The following GRIK3 variants were observed in gnomAD, a reference collection of about 807,000 sequenced individuals.
GRIK3 encodes the protein glutamate receptor ionotropic, kainate 3.
GRIK3 carries 29 observed loss-of-function variants against 102.5 expected under a neutral mutation model. The ratio of observed to expected loss-of-function variants is 0.28; its 90% CI spans 0.21 to 0.39. The LOEUF (loss-of-function observed/expected upper bound fraction) is 0.39, where lower values mean the gene tolerates loss of function less well. Among genes scored for constraint, GRIK3 ranks in the 10% least tolerant of loss-of-function variants. GRIK3 has a pLI of 1.00. For synonymous variants in GRIK3, 511 were observed against 504.9 expected, an observed-to-expected ratio of 1.01 and a Z score of -0.16; for missense variants, 908 against 1,252.4, an observed-to-expected ratio of 0.73 and a Z score of 4.15.
chr1:37,017,369 T>TAAAAAAAAAAAAAAAA, intron 1 of GRIK3, among the ~76,000 whole-genome samples: 1 of 48,522 alleles, frequency 2.1e-5, no homozygotes, highest in Non-Finnish European at 3.5e-5. Context: ...CCCTGTCTCT[T>TAAAAAAAAAAAAAAAA]AAAAAAAAAA....
intron 1 of GRIK3, among the ~76,000 whole-genome samples, chr1:36,964,310 G>A (rs1341920394): frequency 6.6e-6 from 1 of 152,158 alleles, no homozygotes; most frequent in Non-Finnish European, 1.5e-5. Flanking sequence ...CTGTAGAGGG[G>A]GCCCCTGAGC....
intron 1 of GRIK3, among the ~76,000 whole-genome samples, chr1:36,930,014 T>A (rs1184218036): frequency 6.6e-6 from 1 of 152,238 alleles, no homozygotes; most frequent in Non-Finnish European, 1.5e-5. Flanking sequence ...GTTGTTTAAG[T>A]GTCTTCATGA....
chr1:37,010,766 G>A (rs1355756496), intron 1 of GRIK3, among the ~76,000 whole-genome samples: 13 of 128,976 alleles, frequency 1.0e-4, no homozygotes, highest in African/African-American at 3.7e-4. Flanking sequence ...ATGGAGTCTC[G>A]CTCTGTCACC....
chr1:36,999,210 A>G (rs1040923447), intron 1 of GRIK3, among the ~76,000 whole-genome samples: 1 of 151,810 alleles, frequency 6.6e-6, no homozygotes, highest in Non-Finnish European at 1.5e-5. Context: ...GGAATCAGGG[A>G]GGGATGTTCA....
At chr1:36,816,613 C>G (rs1026158301) in intron 13 of GRIK3, among the ~76,000 whole-genome samples, 2 of 152,194 alleles carry the variant, frequency 1.3e-5, no homozygotes, top group African/African-American at 4.8e-5. Context: ...AGTTCTAAGC[C>G]TCCTCCCTTC....
Position 36,869,688 on chromosome 1 carries a change from A to G in GRIK3, c.786+60T>C, listed in dbSNP as rs369784502. 2.7e-5 allele frequency: 35 copies of G among 1,286,812 alleles called. No homozygotes were observed. In the East Asian group the frequency reaches 3.7e-4, roughly 14 times the overall value. The allele number at this position is 1,286,812 out of a possible 1,614,324, so 79.7% of individuals were successfully genotyped here. On this transcript the variant is annotated intron_variant, in intron 5 of 15. Coordinates refer to ENST00000373091, the MANE Select transcript of GRIK3 (RefSeq NM_000831.4). ...GTGGGCTGGCCCAGGCTAAGCCACAATGAACTTGATCCATGAGAGTCCCAC... is the reference window on the plus strand; with the variant it reads ...GTGGGCTGGCCCAGGCTAAGCCACAGTGAACTTGATCCATGAGAGTCCCAC...
intron 9 of GRIK3, among the ~76,000 whole-genome samples, chr1:36,843,483 C>T (rs2124218795): frequency 6.6e-6 from 1 of 152,262 alleles, no homozygotes; most frequent in Middle Eastern, 3.4e-3. Context: ...AGTAAGTTGC[C>T]CAAAATCACA....
chr1:36,879,934 G>C (rs1251030739), intron 3 of GRIK3, among the ~76,000 whole-genome samples: 3 of 152,196 alleles, frequency 2.0e-5, no homozygotes, highest in Non-Finnish European at 4.4e-5. Flanking sequence ...TATGGCAGGG[G>C]CTGGTGTGTG....
rs1640689069 is a variant in GRIK3 at position 36,859,096 on chromosome 1, T to TG, written c.1104+11dup. 6.3e-7 allele frequency: 1 copy of TG among 1,596,726 alleles called. No individual in the cohort carries two copies. Among genetic ancestry groups the TG allele is most frequent in the African/African-American group, 1.3e-5 (1 of 74,516 alleles). On this transcript the variant is annotated intron_variant, in intron 7 of 15. Coordinates refer to ENST00000373091, the MANE Select transcript of GRIK3 (RefSeq NM_000831.4). ...GGGGAGACAACACTGGTGGGGGCTG[T>TG]GGGGCACTCACCTCCTTGATGAAGT...
intron 1 of GRIK3, among the ~76,000 whole-genome samples, chr1:36,937,947 T>A (rs890944274): frequency 6.6e-6 from 1 of 152,240 alleles, no homozygotes; most frequent in African/African-American, 2.4e-5. Flanking sequence ...CTAGTGTACA[T>A]GCCAAGCCTT....
At chr1:36,970,528 A>G (rs1431645964) in intron 1 of GRIK3, among the ~76,000 whole-genome samples, 2 of 152,210 alleles carry the variant, frequency 1.3e-5, no homozygotes, top group African/African-American at 4.8e-5. Context: ...AATTGTACTC[A>G]GTAAATATTT....
At chr1:36,928,914 G>C (rs1306143394) in intron 1 of GRIK3, among the ~76,000 whole-genome samples, 2 of 152,210 alleles carry the variant, frequency 1.3e-5, no homozygotes, top group Non-Finnish European at 2.9e-5. Flanking sequence ...TCCTGGAGGA[G>C]ATAGCACCTG....
At chr1:36,860,782 G>C (rs551439258) in intron 5 of GRIK3, among the ~76,000 whole-genome samples, 1 of 152,326 alleles carries the variant, frequency 6.6e-6, no homozygotes, top group South Asian at 2.1e-4. Context: ...AGAGGACGTG[G>C]CAGGTGGGAG....
chr1:36,943,318 G>T (rs1013617979), intron 1 of GRIK3, among the ~76,000 whole-genome samples: 2 of 152,208 alleles, frequency 1.3e-5, no homozygotes. Context: ...CCCTGGCTGA[G>T]GGGTCAAGCA....
At chr1:36,803,975 T>C (rs1642470958) in intron 15 of GRIK3, among the ~76,000 whole-genome samples, 2 of 152,194 alleles carry the variant, frequency 1.3e-5, no homozygotes, top group South Asian at 4.1e-4. Context: ...CAGGCCAAAA[T>C]GTATGGATGC....
intron 1 of GRIK3, among the ~76,000 whole-genome samples, chr1:36,986,297 A>G (rs926945268): frequency 1.3e-5 from 2 of 151,878 alleles, no homozygotes; most frequent in South Asian, 4.2e-4. Flanking sequence ...CACTCACCCC[A>G]CCAGTCCACC....
chr1:36,814,709 C>T (rs1198194112), intron 13 of GRIK3, among the ~76,000 whole-genome samples: 7 of 151,934 alleles, frequency 4.6e-5, no homozygotes, highest in Non-Finnish European at 5.9e-5. Flanking sequence ...GGCGAGTATA[C>T]ACACACATGC....
intron 1 of GRIK3, among the ~76,000 whole-genome samples, chr1:36,908,642 C>A (rs146945900): frequency 6.6e-6 from 1 of 152,190 alleles, no homozygotes; most frequent in Non-Finnish European, 1.5e-5. Context: ...CATTGATTAA[C>A]GCATAATCTT....
chr1:36,974,809 A>AAAC (rs1553124756), intron 1 of GRIK3, among the ~76,000 whole-genome samples: 1 of 151,832 alleles, frequency 6.6e-6, no homozygotes, highest in African/African-American at 2.4e-5. Flanking sequence ...CAAAAAAAAA[A>AAAC]AAACAAAAAA....
Sources: allele counts gnomAD v4.1 joint callset (sites outside exome capture counted in the v4.1 genomes callset), GRCh38; gene constraint gnomAD v4.1.1; transcripts MANE v1.5; gene names NCBI Gene and HGNC (gene_info 2026-07-23, HGNC 2026-07-21).